PLEKHG4B: variants seen among roughly 807,000 people sequenced by gnomAD.
PLEKHG4B encodes the protein pleckstrin homology and RhoGEF domain containing G4B.
A neutral mutation model predicts 121.3 loss-of-function variants in PLEKHG4B; 111 were observed. The observed-to-expected ratio is 0.92, with a 90% CI of 0.78 to 1.07. PLEKHG4B has a LOEUF of 1.07. Among genes scored for constraint, PLEKHG4B ranks in the 50% least tolerant of loss-of-function variants. PLEKHG4B has a pLI of 0.00. For synonymous variants in PLEKHG4B, 738 were observed against 725.0 expected, an observed-to-expected ratio of 1.02 and a Z score of -0.29; for missense variants, 1,831 against 1,757.8, an observed-to-expected ratio of 1.04 and a Z score of -0.74.
chr5:142,028 C>T (rs1401452670), intron 3 of PLEKHG4B, among the ~76,000 whole-genome samples: 2 of 152,332 alleles, frequency 1.3e-5, no homozygotes, highest in East Asian at 3.9e-4. Flanking sequence ...CTTTCGCCTT[C>T]AAAGTTAGGC....
At chr5:134,015 CAT>C (rs1734856929) in intron 2 of PLEKHG4B, among the ~76,000 whole-genome samples, 1 of 129,902 alleles carries the variant, frequency 7.7e-6, no homozygotes, top group African/African-American at 2.9e-5. Flanking sequence ...AGATGGACTA[CAT>C]ATATGATGGA....
intron 1 of PLEKHG4B, among the ~76,000 whole-genome samples, chr5:107,116 G>A (rs1579239155): frequency 6.6e-6 from 1 of 152,214 alleles, no homozygotes. Flanking sequence ...AGGCATAATG[G>A]CTCATTATTA....
At chr5:104,403 A>G (rs1290713068) in intron 1 of PLEKHG4B, among the ~76,000 whole-genome samples, 1 of 152,244 alleles carries the variant, frequency 6.6e-6, no homozygotes, top group Admixed American at 6.5e-5. Flanking sequence ...AGCTCTTAAC[A>G]TGCAGTATCC....
rs553312621 is a variant in PLEKHG4B, at chr5:163,071, G to T, written c.2999G>T (p.Gly1000Val). 1.9e-6 allele frequency: 3 copies of T among 1,561,684 alleles called. No individual in the cohort carries two copies. Among genetic ancestry groups the T allele is most frequent in the Admixed American group, 1.9e-5 (1 of 52,448 alleles). ...PPSFPSTDSG[G>V]GAWEPAQPLS... is the part of the protein sequence containing the mutation. ...TCATTCCCCAGCACGGACAGTGGGG[G>T]TGGTGCCTGGGAACCTGCGCAACCA... The change falls in exon 13 of 20, where the codon GGT (glycine) becomes GTT (valine). Residue 1000 changes from glycine to valine, a missense_variant. Physicochemically the swap from Gly to Val is moderately radical, Grantham distance 109 (BLOSUM62 -3). Transcript: ENST00000637938.
At chr5:174,319 C>T (rs890011189) in intron 18 of PLEKHG4B, among the ~76,000 whole-genome samples, 10 of 57,864 alleles carry the variant, frequency 1.7e-4, no homozygotes, top group South Asian at 1.5e-3. Context: ...ATCCAGGGGC[C>T]AGGGGGCCAG....
At position 187,862 on chromosome 5, in the gene PLEKHG4B, A is replaced by G. The variant is rs1733673435; in HGVS notation, c.*5539A>G. On this transcript the variant is annotated 3_prime_UTR_variant, in exon 20 of 20. Coordinates refer to ENST00000637938, the MANE Select transcript of PLEKHG4B (RefSeq NM_052909.5). ...CCAGAGGGCTGGCAGGGTCACATGG[A>G]GGCAGGGGACCCTTGGCCCCAGGGT... is the stretch of plus-strand genomic sequence containing the variant. The G allele has an allele frequency of 6.6e-6, 1 of 152,218 alleles. No individual in the cohort carries two copies. The highest frequency in any genetic ancestry group is 2.4e-5 in the African/African-American group (1 of 41,404). 9.4% of individuals were successfully genotyped at this position (152,218 alleles called of 1,614,324 possible). A position where few individuals can be genotyped will look rare whatever the true frequency, so the allele number is the denominator to read the frequency against.
intron 13 of PLEKHG4B, among the ~76,000 whole-genome samples, 199 bp downstream of exon 13, chr5:163,747 A>G (rs373828222): frequency 3.3e-4 from 50 of 152,358 alleles, no homozygotes; most frequent in African/African-American, 1.1e-3. Flanking sequence ...GGAAGGGACC[A>G]CTGAAAACTG....
chr5:156,939 G>A lies in PLEKHG4B; in HGVS notation c.2487+28G>A, dbSNP rs371110878. On this transcript the variant is annotated intron_variant, in intron 11 of 19. Coordinates refer to ENST00000637938, the MANE Select transcript of PLEKHG4B (RefSeq NM_052909.5). This position sits in a 1 kb window ranked among gnomAD's most constrained non-coding sequence, Gnocchi z 4.4. ...CAGAGCTGCAGGAGGAAGGCGGCCC[G>A]GTCAGCATCCCCTCCAGGCCAGGCT... The A allele has an allele frequency of 1.1e-4, 184 of 1,607,954 alleles. No individual in the cohort carries two copies. In the African/African-American group the frequency reaches 1.7e-3, roughly 15 times the overall value.
chr5:161,841 T>C lies in PLEKHG4B; in HGVS notation c.2546T>C (p.Met849Thr). The C allele has an allele frequency of 4.3e-6, 7 of 1,613,828 alleles. No individual in the cohort carries two copies. Among genetic ancestry groups the C allele is most frequent in the Admixed American group, 1.7e-5 (1 of 60,032 alleles). Residue 849 changes from methionine to threonine, a missense_variant, in exon 12 of 20, where the codon ATG becomes ACG. Coordinates refer to ENST00000637938, the MANE Select transcript of PLEKHG4B (RefSeq NM_052909.5). ...GAGAACCCGCAACGTACAGAGGAAA[T>C]GGTCCAGGATTTCAGAAGGGGCCTG... ...AKENPQRTEE[M>T]VQDFRRGLSA...
chr5:113,302 C>G lies in PLEKHG4B; in HGVS notation c.97C>G (p.Pro33Ala), dbSNP rs1187372428. The G allele has an allele frequency of 2.5e-6, 1 of 398,986 alleles. No homozygotes were observed. Among genetic ancestry groups the G allele is most frequent in the African/African-American group, 2.1e-5 (1 of 48,626 alleles). The allele number at this position is 398,986 out of a possible 1,614,324, so 24.7% of individuals were successfully genotyped here. A position where few individuals can be genotyped will look rare whatever the true frequency, so the allele number is the denominator to read the frequency against. The change falls in exon 2 of 20, where the codon CCA (proline) becomes GCA (alanine). Residue 33 changes from proline (P) to alanine (A), a missense_variant. Transcript: ENST00000637938. The surrounding 1 kb of genome is among the most constrained non-coding windows in gnomAD (Gnocchi z 5.2). Reference sequence around the variant, plus strand: ...CCAGAGGACGCTCTCTGCCTTGTACCCACCGTTTGAAGCCACGGCAGCCAC... The same window carrying G: ...CCAGAGGACGCTCTCTGCCTTGTACGCACCGTTTGAAGCCACGGCAGCCAC... Reference protein sequence around the residue: ...CIQRTLSALYPPFEATAATVL... With the variant: ...CIQRTLSALYAPFEATAATVL...
chr5:155,275 C>T, intron 8 of PLEKHG4B, 70 bp from the exon 9 acceptor site: 1 of 1,358,602 alleles, frequency 7.4e-7, no homozygotes, highest in Non-Finnish European at 1.1e-6. Flanking sequence ...GAAACTGGAA[C>T]TCACAGCTGC....
chr5:104,464 G>A (rs1733916244), intron 1 of PLEKHG4B, among the ~76,000 whole-genome samples: 1 of 152,176 alleles, frequency 6.6e-6, no homozygotes, highest in African/African-American at 2.4e-5. Context: ...ATCCTTCAAG[G>A]AAGAAAATTA....
In PLEKHG4B at chr5:128,348, A is replaced by C. The variant is rs10043915; in HGVS notation, c.244-11135A>C. 2.5e-3 allele frequency among the ~76,000 whole-genome samples: 384 copies of C among 152,186 alleles called. 2 individuals are homozygous for C. The highest frequency in any genetic ancestry group is 8.9e-3 in the African/African-American group (368 of 41,488). Reference sequence around the variant, plus strand: ...TGCCAGAGTCAGATTGGAAAGTCACAATCTGTATGGCTAAATAAAAACCAC... The same window carrying C: ...TGCCAGAGTCAGATTGGAAAGTCACCATCTGTATGGCTAAATAAAAACCAC... On this transcript the variant is annotated intron_variant, in intron 2 of 19. Coordinates refer to ENST00000637938, the MANE Select transcript of PLEKHG4B (RefSeq NM_052909.5).
intron 4 of PLEKHG4B, 55 bp from the exon 5 acceptor site, chr5:143,325 T>A: frequency 6.2e-7 from 1 of 1,607,474 alleles, no homozygotes; most frequent in Non-Finnish European, 8.5e-7. Flanking sequence ...CAGACCCAGC[T>A]CACCACCTTG....
At chr5:153,216 C>T (rs977795263) in intron 7 of PLEKHG4B, among the ~76,000 whole-genome samples, 29 of 152,212 alleles carry the variant, frequency 1.9e-4, no homozygotes, top group African/African-American at 6.5e-4. Context: ...TCATTGAGCA[C>T]AGTTTTAATG....
intron 1 of PLEKHG4B, among the ~76,000 whole-genome samples, chr5:94,231 C>G (rs1733560474): frequency 6.6e-6 from 1 of 152,254 alleles, no homozygotes; most frequent in African/African-American, 2.4e-5. Flanking sequence ...ATCAGTGCTT[C>G]TGTGCCCTGC....
rs1200680244 is a variant in PLEKHG4B, at chr5:139,192, T to TGTGGCC, written c.244-290_244-285dup. 6.6e-6 allele frequency among the ~76,000 whole-genome samples: 1 copy of TGTGGCC among 152,208 alleles called. No individual in the cohort carries two copies. Among genetic ancestry groups the TGTGGCC allele is most frequent in the African/African-American group, 2.4e-5 (1 of 41,452 alleles). On this transcript the variant is annotated intron_variant, in intron 2 of 19. Transcript: ENST00000637938. This position sits in a 1 kb window ranked among gnomAD's most constrained non-coding sequence, Gnocchi z 5.0. ...TTCGGAGCGCCTGGTGGGCTGTGGC[T>TGTGGCC]GTGGCCCTCGAGTGGCCTCCTCTCC... is the stretch of plus-strand genomic sequence containing the variant.
At chr5:169,703 A>G (rs1483004030) in intron 14 of PLEKHG4B, 111 bp downstream of exon 14, 1 of 1,472,076 alleles carries the variant, frequency 6.8e-7, no homozygotes, top group Admixed American at 2.0e-5. Flanking sequence ...GCTTCAGTCC[A>G]GGTCTAGGAG....
Position 140,132 on chromosome 5 carries a change from C to A in PLEKHG4B, c.893C>A (p.Pro298Gln). ...AAGGTCAGCCCCTCAGAGCAGGGCC[C>A]ACGGATGCCCCCTGAGAACTGTGGG... ...FEKVSPSEQGPRMPPENCGGS... is the reference protein window; with the variant it reads ...FEKVSPSEQGQRMPPENCGGS... Residue 298 changes from proline (P) to glutamine (Q), a missense_variant, in exon 3 of 20, where the codon CCA (proline) becomes CAA (glutamine). Coordinates refer to ENST00000637938, the MANE Select transcript of PLEKHG4B (RefSeq NM_052909.5). 2 of 619,762 alleles carry A rather than the reference C, an allele frequency of 3.2e-6. No individual in the cohort carries two copies. The highest frequency in any genetic ancestry group is 3.6e-5 in the Admixed American group (1 of 27,816). The allele number at this position is 619,762 out of a possible 1,614,324, so 38.4% of individuals were successfully genotyped here. A position where few individuals can be genotyped will look rare whatever the true frequency, so the allele number is the denominator to read the frequency against.
Sources: allele counts gnomAD v4.1 joint callset (sites outside exome capture counted in the v4.1 genomes callset), GRCh38; gene constraint gnomAD v4.1.1; non-coding constraint Gnocchi (gnomAD v3.1); transcripts MANE v1.5; gene names NCBI Gene and HGNC (gene_info 2026-07-23, HGNC 2026-07-21).